Variants in SH3RF3 observed in about 807,000 individuals in gnomAD.
SH3RF3 encodes the protein SH3 domain containing ring finger 3.
A neutral mutation model predicts 66.3 loss-of-function variants in SH3RF3; 29 were observed. The observed-to-expected ratio is 0.44, with a 90% CI of 0.33 to 0.60. SH3RF3 has a LOEUF of 0.60. Ranked by LOEUF, SH3RF3 falls within the 20% of genes least tolerant of loss-of-function variation. The pLI, the probability that SH3RF3 is intolerant of heterozygous loss-of-function variation, is 0.04. For missense variants in SH3RF3, 1,194 were observed against 1,190.9 expected, an observed-to-expected ratio of 1.00 and a Z score of -0.04; for synonymous variants, 583 against 532.0, an observed-to-expected ratio of 1.10 and a Z score of -1.32.
intron 8 of SH3RF3, among the ~76,000 whole-genome samples, chr2:109,481,974 C>G (rs1224237865): frequency 1.3e-5 from 2 of 152,246 alleles, no homozygotes; most frequent in Non-Finnish European, 2.9e-5. Context: ...GAAGCAGACT[C>G]AGACCTCAAC....
intron 5 of SH3RF3, among the ~76,000 whole-genome samples, chr2:109,428,602 C>T (rs373090563): frequency 6.6e-6 from 1 of 152,204 alleles, no homozygotes; most frequent in Admixed American, 6.5e-5. Context: ...CCTCAAGAGG[C>T]GCTTTTTCTC....
At chr2:109,341,686 A>G (rs769156170) in intron 1 of SH3RF3, among the ~76,000 whole-genome samples, 8 of 152,182 alleles carry the variant, frequency 5.3e-5, no homozygotes, top group Non-Finnish European at 1.0e-4. Flanking sequence ...TGCTCTGGGC[A>G]TAATATTTGA....
chr2:109,412,644 G>A (rs898814151), intron 4 of SH3RF3, among the ~76,000 whole-genome samples: 26 of 152,228 alleles, frequency 1.7e-4, no homozygotes, highest in African/African-American at 6.0e-4. Context: ...GCACATGGGG[G>A]ATCGAGAAAG....
intron 1 of SH3RF3, among the ~76,000 whole-genome samples, chr2:109,268,264 G>A (rs1442972757): frequency 1.3e-5 from 2 of 151,886 alleles, no homozygotes; most frequent in African/African-American, 4.8e-5. Flanking sequence ...CTGCTGAAGT[G>A]AGGTGCGGCC....
At chr2:109,394,042 C>T (rs1370201408) in intron 3 of SH3RF3, among the ~76,000 whole-genome samples, 2 of 152,286 alleles carry the variant, frequency 1.3e-5, no homozygotes, top group East Asian at 1.9e-4. Context: ...AGAGAGTCTT[C>T]TCTATTCAAC....
chr2:109,289,618 C>T (rs1206807327), intron 1 of SH3RF3, among the ~76,000 whole-genome samples: 1 of 152,170 alleles, frequency 6.6e-6, no homozygotes. Context: ...GGTTTTGAGA[C>T]ATCACGTGGA....
At chr2:109,152,614 T>C (rs994725982) in intron 1 of SH3RF3, among the ~76,000 whole-genome samples, 1 of 152,276 alleles carries the variant, frequency 6.6e-6, no homozygotes, top group Non-Finnish European at 1.5e-5. Flanking sequence ...TATTTAAAGC[T>C]GTGGGGATTA....
chr2:109,247,712 C>T (rs1021185966), intron 1 of SH3RF3, among the ~76,000 whole-genome samples: 1 of 152,166 alleles, frequency 6.6e-6, no homozygotes, highest in Non-Finnish European at 1.5e-5. Flanking sequence ...ATATGTTTTT[C>T]CCTGTATCAG....
chr2:109,231,114 G>C (rs1468101698), intron 1 of SH3RF3, among the ~76,000 whole-genome samples: 2 of 152,254 alleles, frequency 1.3e-5, no homozygotes, highest in East Asian at 3.8e-4. Context: ...AGGCTTAGGT[G>C]GCTTGCCTAG....
intron 1 of SH3RF3, among the ~76,000 whole-genome samples, chr2:109,300,089 A>C (rs909171925): frequency 2.0e-5 from 3 of 152,192 alleles, no homozygotes; most frequent in African/African-American, 7.2e-5. Flanking sequence ...GGTGAGCAGC[A>C]AGGATAAGAG....
chr2:109,393,752 G>T (rs910881025), intron 3 of SH3RF3, among the ~76,000 whole-genome samples: 1 of 152,002 alleles, frequency 6.6e-6, no homozygotes, highest in Non-Finnish European at 1.5e-5. Flanking sequence ...CAGTGCAGGG[G>T]CCCAGGGGGA....
chr2:109,405,034 C>G (rs1676418959), intron 4 of SH3RF3, among the ~76,000 whole-genome samples: 1 of 149,618 alleles, frequency 6.7e-6, no homozygotes, highest in Non-Finnish European at 1.5e-5. Flanking sequence ...CCCTACATCT[C>G]TAGCCCCTAC....
chr2:109,268,239 A>C (rs1217564262), intron 1 of SH3RF3, among the ~76,000 whole-genome samples: 1 of 151,246 alleles, frequency 6.6e-6, no homozygotes, highest in African/African-American at 2.4e-5. Context: ...TGGAATGGAA[A>C]ACCCTGAGCC....
In SH3RF3 at chr2:109,263,794, G is replaced by A. The variant is rs1325410236; in HGVS notation, c.574-83880G>A. ...GACCTGGCTAACACTGTGAAATGCCGTCTCTACTAAAAAAATACAAAAAAT... is the reference window on the plus strand; with the variant it reads ...GACCTGGCTAACACTGTGAAATGCCATCTCTACTAAAAAAATACAAAAAAT... On this transcript the variant is annotated intron_variant, in intron 1 of 9. Coordinates refer to ENST00000309415, the MANE Select transcript of SH3RF3 (RefSeq NM_001099289.3). Among the ~76,000 whole-genome samples the A allele has an allele frequency of 3.3e-5, 5 of 152,188 alleles. No homozygotes were observed. In the East Asian group the frequency reaches 7.8e-4, roughly 24 times the overall value.
At chr2:109,442,456 T>C (rs1172816129) in intron 7 of SH3RF3, among the ~76,000 whole-genome samples, 1 of 152,104 alleles carries the variant, frequency 6.6e-6, no homozygotes, top group African/African-American at 2.4e-5. Context: ...TAGATAAATA[T>C]ATAAGATGTT....
intron 1 of SH3RF3, among the ~76,000 whole-genome samples, chr2:109,138,468 T>C (rs536084843): frequency 6.6e-6 from 1 of 152,356 alleles, no homozygotes; most frequent in East Asian, 1.9e-4. Flanking sequence ...AAGGCTGTTG[T>C]AAAAATTAGC....
intron 5 of SH3RF3, among the ~76,000 whole-genome samples, chr2:109,430,637 T>TGGAAA (rs1677182105): frequency 6.6e-6 from 1 of 152,236 alleles, no homozygotes; most frequent in African/African-American, 2.4e-5. Flanking sequence ...TGCAGTTGTT[T>TGGAAA]GTCATTTTCA....
At chr2:109,404,240 A>G (rs1317178155) in intron 4 of SH3RF3, among the ~76,000 whole-genome samples, 1 of 152,186 alleles carries the variant, frequency 6.6e-6, no homozygotes, top group East Asian at 1.9e-4. Flanking sequence ...TCCACTGTCA[A>G]GCTCTTTGCA....
At chr2:109,218,896 A>G (rs1283527467) in intron 1 of SH3RF3, among the ~76,000 whole-genome samples, 1 of 152,234 alleles carries the variant, frequency 6.6e-6, no homozygotes, top group Non-Finnish European at 1.5e-5. Context: ...AGGTGGAGAA[A>G]GACAAGAACC....
Sources: allele counts gnomAD v4.1 joint callset (sites outside exome capture counted in the v4.1 genomes callset), GRCh38; gene constraint gnomAD v4.1.1; transcripts MANE v1.5; gene names NCBI Gene and HGNC (gene_info 2026-07-23, HGNC 2026-07-21).